DPYSL3: variants seen among roughly 807,000 people sequenced by gnomAD.
DPYSL3 encodes dihydropyrimidinase like 3.
A neutral mutation model predicts 66.1 loss-of-function variants in DPYSL3; 16 were observed. The observed-to-expected ratio is 0.24, with a 90% CI of 0.16 to 0.37. The LOEUF (loss-of-function observed/expected upper bound fraction) is 0.37, where lower values mean the gene tolerates loss of function less well. Among genes scored for constraint, DPYSL3 ranks in the 10% least tolerant of loss-of-function variants. DPYSL3 has a pLI of 1.00. For missense variants in DPYSL3, 738 were observed against 916.2 expected (o/e 0.81, Z 2.51); for synonymous variants, 338 against 345.1 (o/e 0.98, Z 0.23).
intron 1 of DPYSL3, among the ~76,000 whole-genome samples, chr5:147,465,268 G>C (rs898109516): frequency 6.6e-6 from 1 of 152,164 alleles, no homozygotes; most frequent in African/African-American, 2.4e-5. Context: ...GCTATATGAA[G>C]AGTGGTCTGT....
intron 1 of DPYSL3, among the ~76,000 whole-genome samples, chr5:147,500,672 A>G (rs962497019): frequency 2.0e-5 from 3 of 152,124 alleles, no homozygotes; most frequent in South Asian, 2.1e-4. Context: ...AAAATGAGCC[A>G]AAGAGCTTAA....
At chr5:147,507,796 G>A (rs2126466440) in intron 1 of DPYSL3, among the ~76,000 whole-genome samples, 1 of 152,264 alleles carries the variant, frequency 6.6e-6, no homozygotes, top group South Asian at 2.1e-4. Context: ...GAAAACGGGA[G>A]AATTGCTAGG....
intron 1 of DPYSL3, among the ~76,000 whole-genome samples, chr5:147,495,560 C>A (rs1753487653): frequency 6.6e-6 from 1 of 152,132 alleles, no homozygotes; most frequent in Non-Finnish European, 1.5e-5. Flanking sequence ...TCTCAGGATA[C>A]AAAATCAATG....
At chr5:147,465,095 A>T (rs1413316845) in intron 1 of DPYSL3, among the ~76,000 whole-genome samples, 2 of 152,202 alleles carry the variant, frequency 1.3e-5, no homozygotes, top group African/African-American at 4.8e-5. Context: ...TTGGGAGGCT[A>T]AAATAGGAGG....
chr5:147,442,373 G>C (rs1209655951), intron 1 of DPYSL3, among the ~76,000 whole-genome samples: 1 of 152,142 alleles, frequency 6.6e-6, no homozygotes. Flanking sequence ...AAACAAATGT[G>C]CTCATTCAAG....
intron 1 of DPYSL3, among the ~76,000 whole-genome samples, chr5:147,496,385 C>G (rs1438317038): frequency 6.6e-6 from 1 of 152,102 alleles, no homozygotes. Flanking sequence ...CAACAAAAGA[C>G]AAAATAGACA....
chr5:147,451,964 C>T (rs1031468310), intron 1 of DPYSL3, among the ~76,000 whole-genome samples: 1 of 152,040 alleles, frequency 6.6e-6, no homozygotes, highest in East Asian at 1.9e-4. Flanking sequence ...AAAGTGAATG[C>T]CATCAGGTAG....
At chr5:147,410,503 T>A (rs1397457249) in intron 6 of DPYSL3, among the ~76,000 whole-genome samples, 1 of 152,162 alleles carries the variant, frequency 6.6e-6, no homozygotes, top group Non-Finnish European at 1.5e-5. Flanking sequence ...TGTTGTGGCA[T>A]TCATCACAGC....
Position 147,509,622 on chromosome 5 carries a change from G to C in DPYSL3, c.237C>G (p.Pro79=). 6.5e-7 allele frequency: 1 copy of C among 1,535,572 alleles called. No individual in the cohort carries two copies. Among genetic ancestry groups the C allele is most frequent in the Non-Finnish European group, 8.7e-7 (1 of 1,146,626 alleles). The change falls in exon 1 of 14, where the codon CCC becomes CCG. Residue 79 remains proline, a synonymous_variant. Coordinates refer to ENST00000343218, the MANE Select transcript of DPYSL3 (RefSeq NM_001197294.2). This position sits in a 1 kb window ranked among gnomAD's most constrained non-coding sequence, Gnocchi z 5.3. The stretch of plus-strand genomic sequence containing the variant: ...TGCGCGGGGTGTCCCCCTCGATCCC[G>C]GGCCGACTCCCCGATCCTCGGTCGC... ...QGSDRGSGSR[P]GIEGDTPRRG... is the part of the protein sequence containing the mutation.
chr5:147,441,977 C>G (rs1349010642), intron 1 of DPYSL3, among the ~76,000 whole-genome samples: 1 of 152,108 alleles, frequency 6.6e-6, no homozygotes, highest in African/African-American at 2.4e-5. Context: ...TTCTGAGGCC[C>G]TTTCTCTCTA....
chr5:147,425,321 A>G (rs1372066536), intron 1 of DPYSL3, among the ~76,000 whole-genome samples: 2 of 152,244 alleles, frequency 1.3e-5, no homozygotes, highest in East Asian at 3.8e-4. Context: ...CTCAGTGGCT[A>G]GTGCACTCTC....
chr5:147,418,547 A>G lies in DPYSL3; in HGVS notation c.555T>C (p.Asp185=). The G allele has an allele frequency of 6.2e-7, 1 of 1,613,470 alleles. No individual in the cohort carries two copies. The change falls in exon 3 of 14, where the codon GAT becomes GAC. Residue 185 remains aspartate, a synonymous_variant. Transcript: ENST00000343218. ...NGKMVIPGGI[D]VHTHFQMPYK... is the part of the protein sequence containing the mutation. ...ATGGCATCTGGAAGTGAGTATGGACATCGATGCCTCCAGGGATCACCATCT... is the reference window on the plus strand; with the variant it reads ...ATGGCATCTGGAAGTGAGTATGGACGTCGATGCCTCCAGGGATCACCATCT...
chr5:147,504,054 T>C (rs1038571036), intron 1 of DPYSL3, among the ~76,000 whole-genome samples: 1 of 152,218 alleles, frequency 6.6e-6, no homozygotes, highest in African/African-American at 2.4e-5. Context: ...CCATTTGCAG[T>C]CACAGATTGC....
chr5:147,509,922 C>T lies in DPYSL3; in HGVS notation c.-64G>A, dbSNP rs1753736094. 1.4e-6 allele frequency: 2 copies of T among 1,453,912 alleles called. No individual in the cohort carries two copies. The highest frequency in any genetic ancestry group is 1.4e-5 in the South Asian group (1 of 70,620). The allele number at this position is 1,453,912 out of a possible 1,614,324, so 90.1% of individuals were successfully genotyped here. A position where few individuals can be genotyped will look rare whatever the true frequency, so the allele number is the denominator to read the frequency against. ...CAGAGGCGGAAAGGGCAGCCGCCGG[C>T]AGCGTGCGCCGAGCCACAGTGACTG... On this transcript the variant is annotated 5_prime_UTR_variant, in exon 1 of 14. Coordinates refer to ENST00000343218, the MANE Select transcript of DPYSL3 (RefSeq NM_001197294.2). The surrounding 1 kb of genome is among the most constrained non-coding windows in gnomAD (Gnocchi z 5.3).
chr5:147,507,342 A>ATT (rs112908394), intron 1 of DPYSL3, among the ~76,000 whole-genome samples: 4 of 146,160 alleles, frequency 2.7e-5, no homozygotes, highest in Admixed American at 6.9e-5. Flanking sequence ...TTTGGGCTTA[A>ATT]TTTTTTTTTT....
At position 147,443,800 on chromosome 5, in the gene DPYSL3, C is replaced by T. The variant is rs1003282074; in HGVS notation, c.382-18837G>A. Among the ~76,000 whole-genome samples, 4 of 152,140 alleles carry T rather than the reference C, an allele frequency of 2.6e-5. No individual in the cohort carries two copies. The East Asian group carries it at 7.7e-4, about 29-fold the overall frequency. ...GAAGAATCCCTAATTGGTAGTTTTGCTAATTCAATGCAAAGATGCTGAGAG... is the reference window on the plus strand; with the variant it reads ...GAAGAATCCCTAATTGGTAGTTTTGTTAATTCAATGCAAAGATGCTGAGAG... On this transcript the variant is annotated intron_variant, in intron 1 of 13. Transcript: ENST00000343218.
In DPYSL3 at chr5:147,393,073, A is replaced by T. The variant is rs181267279; in HGVS notation, c.*962T>A. 19 of 152,318 alleles carry T rather than the reference A, an allele frequency of 1.2e-4. No individual in the cohort carries two copies. The highest frequency in any genetic ancestry group is 1.2e-3 in the Admixed American group (18 of 15,298). The allele number at this position is 152,318 out of a possible 1,614,324, so 9.4% of individuals were successfully genotyped here. ...ATCTGAGCTAAAATCCTGACTTGGG[A>T]TGCCAGAAGCATGCCACTCTTCTCG... On this transcript the variant is annotated 3_prime_UTR_variant, in exon 14 of 14. Transcript: ENST00000343218.
chr5:147,444,994 C>A (rs964918387), intron 1 of DPYSL3, among the ~76,000 whole-genome samples: 5 of 151,872 alleles, frequency 3.3e-5, no homozygotes, highest in Non-Finnish European at 7.4e-5. Flanking sequence ...AGTTTACGTG[C>A]AAAGGCAGAA....
At chr5:147,456,238 C>T (rs891768435) in intron 1 of DPYSL3, among the ~76,000 whole-genome samples, 1 of 152,206 alleles carries the variant, frequency 6.6e-6, no homozygotes, top group African/African-American at 2.4e-5. Context: ...ACACAGGATG[C>T]CTCTGTGTCT....
Sources: gnomAD v4.1 joint callset for allele counts (sites outside exome capture counted in the v4.1 genomes callset) on GRCh38, gnomAD v4.1.1 for gene constraint, Gnocchi (gnomAD v3.1) non-coding constraint, MANE v1.5 for transcripts, NCBI Gene and HGNC (gene_info 2026-07-23, HGNC 2026-07-21) for gene names.